The following ANXA8 variants were observed in gnomAD, a reference collection of about 807,000 sequenced individuals.
ANXA8 encodes annexin A8.
A neutral mutation model predicts 26.8 loss-of-function variants in ANXA8; 9 were observed. The ratio of observed to expected loss-of-function variants is 0.34; its 90% CI spans 0.20 to 0.59. The LOEUF (loss-of-function observed/expected upper bound fraction) is 0.59, where lower values mean the gene tolerates loss of function less well. ANXA8 is among the 20% of genes least tolerant of loss of function. The pLI, the probability that ANXA8 is intolerant of heterozygous loss-of-function variation, is 0.84. For missense variants in ANXA8, 83 were observed against 238.5 expected, an observed-to-expected ratio of 0.35 and a Z score of 4.29; for synonymous variants, 39 against 94.8, an observed-to-expected ratio of 0.41 and a Z score of 3.42.
At chr10:47,631,441 A>T in the ANXA8 span, among the ~76,000 whole-genome samples, 1 of 151,010 alleles carries the variant, frequency 6.6e-6, no homozygotes, top group Non-Finnish European at 1.5e-5. Context: ...TTATATGTAC[A>T]CCTGGCCTCA....
At chr10:47,721,565 CT>C in the ANXA8 span, among the ~76,000 whole-genome samples, 2 of 135,256 alleles carry the variant, frequency 1.5e-5, no homozygotes, top group Non-Finnish European at 3.2e-5. Context: ...GAGTTTCGCT[CT>C]TGTTGCCCAG....
At chr10:47,591,434 ATTTT>A in the ANXA8 span, among the ~76,000 whole-genome samples, 1 of 60,216 alleles carries the variant, frequency 1.7e-5, no homozygotes, top group African/African-American at 7.8e-5. Flanking sequence ...TTCTTTCTGA[ATTTT>A]TTTTTTTTTT....
chr10:47,548,711 A>G, the ANXA8 span, among the ~76,000 whole-genome samples: 4 of 150,826 alleles, frequency 2.7e-5, no homozygotes, highest in African/African-American at 9.7e-5. Flanking sequence ...AGTACTATCT[A>G]AATTTTCTAT....
At chr10:47,510,935 A>AATTT in the ANXA8 span, among the ~76,000 whole-genome samples, 2,292 of 113,432 alleles carry the variant, frequency 0.02, 199 homozygotes, top group South Asian at 0.032. Flanking sequence ...TTAATTAATT[A>AATTT]ATTTATTTAT....
the ANXA8 span, among the ~76,000 whole-genome samples, chr10:47,555,250 C>G: frequency 2.0e-5 from 3 of 151,760 alleles, no homozygotes; most frequent in Non-Finnish European, 4.4e-5. Context: ...CTCCTTTCCC[C>G]AGCACCTAAG....
chr10:47,594,687 C>G, the ANXA8 span, among the ~76,000 whole-genome samples: 1 of 148,674 alleles, frequency 6.7e-6, no homozygotes, highest in Admixed American at 6.6e-5. Context: ...AAGACTGATT[C>G]TTCAAATTAA....
chr10:47,890,706 AT>A, the ANXA8 span, among the ~76,000 whole-genome samples: 1 of 82,428 alleles, frequency 1.2e-5, no homozygotes, highest in African/African-American at 4.0e-5. Flanking sequence ...AGCCAAATAA[AT>A]TTCTTCTCTT....
the ANXA8 span, among the ~76,000 whole-genome samples, chr10:47,534,537 C>CT: frequency 2.2e-5 from 3 of 138,360 alleles, 1 homozygote; most frequent in Non-Finnish European, 3.1e-5. Flanking sequence ...TACAAATCTG[C>CT]TTTTTTGTGG....
the ANXA8 span, among the ~76,000 whole-genome samples, chr10:47,775,360 G>C: frequency 2.0e-5 from 3 of 150,974 alleles, no homozygotes; most frequent in African/African-American, 7.3e-5. Context: ...GCAACAGAGA[G>C]AGCCTCAGTC....
the ANXA8 span, among the ~76,000 whole-genome samples, chr10:47,681,723 A>AC: frequency 3.3e-3 from 411 of 124,726 alleles, 2 homozygotes; most frequent in African/African-American, 0.012. Flanking sequence ...TTTTGTAGCG[A>AC]CATAGTCTTA....
chr10:47,727,402 C>T, the ANXA8 span, among the ~76,000 whole-genome samples: 2 of 152,234 alleles, frequency 1.3e-5, no homozygotes, highest in African/African-American at 4.8e-5. Context: ...TCATTAGCCT[C>T]AGATCCTCTA....
the ANXA8 span, among the ~76,000 whole-genome samples, chr10:47,733,163 TTC>T: frequency 2.0e-5 from 2 of 97,948 alleles, no homozygotes; most frequent in Admixed American, 1.1e-4. Flanking sequence ...CTTTCTTTCT[TTC>T]TTTCTTTCTT....
the ANXA8 span, among the ~76,000 whole-genome samples, chr10:47,544,111 A>G: frequency 6.6e-6 from 1 of 151,930 alleles, no homozygotes; most frequent in Non-Finnish European, 1.5e-5. Context: ...GCACGAAGGC[A>G]GCATCACTGA....
At chr10:47,676,993 GAA>G in the ANXA8 span, among the ~76,000 whole-genome samples, 9 of 120,000 alleles carry the variant, frequency 7.5e-5, no homozygotes, top group East Asian at 1.5e-3. Flanking sequence ...AGAGCTGAAA[GAA>G]AAAAAAAAAA....
the ANXA8 span, among the ~76,000 whole-genome samples, chr10:47,954,852 T>C: frequency 1.3e-5 from 2 of 151,214 alleles, no homozygotes; most frequent in African/African-American, 4.9e-5. Flanking sequence ...GATAAGCAAA[T>C]TGTGATATTG....
At chr10:47,513,586 C>A in the ANXA8 span, among the ~76,000 whole-genome samples, 1 of 140,678 alleles carries the variant, frequency 7.1e-6, no homozygotes, top group Non-Finnish European at 1.5e-5. Flanking sequence ...CAAAACAAAA[C>A]TAAGCAAAAA....
At chr10:47,673,065 TA>T in the ANXA8 span, among the ~76,000 whole-genome samples, 1 of 149,724 alleles carries the variant, frequency 6.7e-6, no homozygotes, top group Admixed American at 6.6e-5. Context: ...CACATTTTTT[TA>T]AAATCAGATT....
chr10:47,945,853 T>A, the ANXA8 span, among the ~76,000 whole-genome samples: 7 of 125,912 alleles, frequency 5.6e-5, no homozygotes, highest in Non-Finnish European at 9.7e-5. Flanking sequence ...AGTTACAGAA[T>A]CAAAGATGTG....
At chr10:47,503,545 T>G in the ANXA8 span, 4 of 1,599,536 alleles carry the variant, frequency 2.5e-6, no homozygotes, top group Non-Finnish European at 3.4e-6. Flanking sequence ...GGTGGAAACC[T>G]GTGTGGAACA....
Sources: allele counts gnomAD v4.1 joint callset (sites outside exome capture counted in the v4.1 genomes callset), GRCh38; gene constraint gnomAD v4.1.1; transcripts MANE v1.5; gene names NCBI Gene and HGNC (gene_info 2026-07-23, HGNC 2026-07-21).